The following RANBP2 variants were observed in gnomAD, a reference collection of about 807,000 sequenced individuals.
The protein encoded by RANBP2 is E3 SUMO-protein ligase RanBP2.
In RANBP2, 57 loss-of-function variants were observed where a neutral mutation model predicts 303.6. The observed-to-expected ratio is 0.19, with a 90% CI of 0.15 to 0.23. The LOEUF (loss-of-function observed/expected upper bound fraction) is 0.23. Among genes scored for constraint, RANBP2 ranks in the 10% least tolerant of loss-of-function variants. The pLI is 1.00. For missense variants in RANBP2, 3,138 were observed against 3,780.8 expected (o/e 0.83, Z 4.46); for synonymous variants, 1,167 against 1,301.5 (o/e 0.90, Z 2.23).
At chr2:109,345,289 G>A in the RANBP2 span, among the ~76,000 whole-genome samples, 1 of 152,218 alleles carries the variant, frequency 6.6e-6, no homozygotes, top group South Asian at 2.1e-4. Context: ...CTGATGGTGG[G>A]GAGGCCAGAA....
chr2:109,630,165 C>T, the RANBP2 span, among the ~76,000 whole-genome samples: 3 of 152,084 alleles, frequency 2.0e-5, no homozygotes, highest in African/African-American at 7.2e-5. Flanking sequence ...AATCCTCTAG[C>T]TGGAATACAT....
At chr2:109,597,333 T>C in the RANBP2 span, among the ~76,000 whole-genome samples, 1 of 152,216 alleles carries the variant, frequency 6.6e-6, no homozygotes, top group African/African-American at 2.4e-5. Flanking sequence ...TGTGTAGGGC[T>C]AAGAAACACT....
At chr2:109,160,553 T>A in the RANBP2 span, among the ~76,000 whole-genome samples, 6 of 152,320 alleles carry the variant, frequency 3.9e-5, no homozygotes, top group East Asian at 9.6e-4. Flanking sequence ...TCTGGCTTAA[T>A]CTCATCTGAT....
At chr2:109,322,578 A>T in the RANBP2 span, among the ~76,000 whole-genome samples, 2 of 152,250 alleles carry the variant, frequency 1.3e-5, no homozygotes. Flanking sequence ...GAGTTACTGC[A>T]AGAATAAATT....
At chr2:108,993,692 T>C in the RANBP2 span, among the ~76,000 whole-genome samples, 11 of 152,212 alleles carry the variant, frequency 7.2e-5, no homozygotes, top group African/African-American at 1.9e-4. Flanking sequence ...GCGTTGATTG[T>C]ACCCTATTGG....
the RANBP2 span, among the ~76,000 whole-genome samples, chr2:109,189,426 T>G: frequency 2.7e-5 from 4 of 150,380 alleles, no homozygotes; most frequent in African/African-American, 9.8e-5. Flanking sequence ...TGGAGTGCAA[T>G]AGCGCTATCT....
At chr2:109,332,624 G>C in the RANBP2 span, among the ~76,000 whole-genome samples, 1 of 152,178 alleles carries the variant, frequency 6.6e-6, no homozygotes, top group Non-Finnish European at 1.5e-5. Context: ...GGAAGCCAGG[G>C]CTGCCCCGTG....
chr2:108,868,801 GA>G, the RANBP2 span, among the ~76,000 whole-genome samples: 1 of 151,674 alleles, frequency 6.6e-6, no homozygotes, highest in Non-Finnish European at 1.5e-5. Context: ...AAAACTTGAA[GA>G]AAAAAAAGCT....
the RANBP2 span, chr2:109,617,423 T>A: frequency 6.0e-6 from 1 of 167,144 alleles, no homozygotes; most frequent in East Asian, 1.9e-4. Flanking sequence ...TTCATTCATT[T>A]ATATTAGAGT....
chr2:109,637,477 A>G, the RANBP2 span, among the ~76,000 whole-genome samples: 3 of 152,178 alleles, frequency 2.0e-5, no homozygotes, highest in African/African-American at 2.4e-5. Context: ...ATTTCAGACT[A>G]TCACATGGGG....
At chr2:109,285,883 C>G in the RANBP2 span, among the ~76,000 whole-genome samples, 2 of 152,188 alleles carry the variant, frequency 1.3e-5, no homozygotes, top group Non-Finnish European at 2.9e-5. Context: ...TCCCATGCCC[C>G]CAGCGTGCCT....
the RANBP2 span, among the ~76,000 whole-genome samples, chr2:109,013,045 G>T: frequency 6.6e-6 from 1 of 152,222 alleles, no homozygotes. Flanking sequence ...CACCACAGGT[G>T]AGTTTAACAC....
the RANBP2 span, among the ~76,000 whole-genome samples, chr2:109,285,118 CCCAGGGT>C: frequency 6.6e-6 from 1 of 152,202 alleles, no homozygotes; most frequent in Non-Finnish European, 1.5e-5. Flanking sequence ...CTGGAAAGAG[CCCAGGGT>C]CTGGAGTAGG....
chr2:109,687,155 C>T, the RANBP2 span, among the ~76,000 whole-genome samples: 1 of 152,184 alleles, frequency 6.6e-6, no homozygotes, highest in Non-Finnish European at 1.5e-5. Context: ...TGTGTAGCTG[C>T]CATGAGCAGA....
the RANBP2 span, among the ~76,000 whole-genome samples, chr2:108,818,463 A>G: frequency 6.6e-6 from 1 of 152,216 alleles, no homozygotes; most frequent in Admixed American, 6.5e-5. Context: ...TACAGTTTCT[A>G]TTAAGCCTAG....
At chr2:109,685,664 G>A in the RANBP2 span, among the ~76,000 whole-genome samples, 4 of 152,216 alleles carry the variant, frequency 2.6e-5, no homozygotes, top group South Asian at 8.3e-4. Flanking sequence ...CAATGTTCAA[G>A]TCAGTGAGGT....
the RANBP2 span, among the ~76,000 whole-genome samples, chr2:109,583,834 T>A: frequency 6.6e-6 from 1 of 152,286 alleles, no homozygotes; most frequent in African/African-American, 2.4e-5. Context: ...AAGTCTTTTG[T>A]ACCAACATGG....
the RANBP2 span, among the ~76,000 whole-genome samples, chr2:109,662,147 G>C: frequency 6.6e-6 from 1 of 152,092 alleles, no homozygotes. Context: ...ACTCCCCATC[G>C]CCTGGCAGAA....
At chr2:109,029,078 C>G in the RANBP2 span, among the ~76,000 whole-genome samples, 1 of 151,830 alleles carries the variant, frequency 6.6e-6, no homozygotes, top group African/African-American at 2.4e-5. Context: ...AGGCACTGTG[C>G]CCGGCCTATG....
Sources: allele counts gnomAD v4.1 joint callset (sites outside exome capture counted in the v4.1 genomes callset), GRCh38; gene constraint gnomAD v4.1.1; transcripts MANE v1.5; gene names NCBI Gene and HGNC (gene_info 2026-07-23, HGNC 2026-07-21).